Variants in BPTF observed in about 807,000 individuals in gnomAD.
BPTF encodes the protein nucleosome-remodeling factor subunit BPTF.
In BPTF, 18 loss-of-function variants were observed where a neutral mutation model predicts 292.5. The ratio of observed to expected loss-of-function variants is 0.06; its 90% CI spans 0.04 to 0.09. BPTF has a LOEUF of 0.09. BPTF is among the 10% of genes least tolerant of loss of function. The pLI is 1.00. For missense variants in BPTF, 2,726 were observed against 3,498.7 expected, an observed-to-expected ratio of 0.78 and a Z score of 5.57; for synonymous variants, 1,225 against 1,251.9, an observed-to-expected ratio of 0.98 and a Z score of 0.45.
intron 1 of BPTF, among the ~76,000 whole-genome samples, chr17:67,842,639 G>T (rs1025742269): frequency 6.6e-5 from 10 of 152,004 alleles, no homozygotes; most frequent in African/African-American, 2.4e-4. Flanking sequence ...GATGACAAAG[G>T]CTGTGGTCCA....
rs200180767 is a variant in BPTF, at chr17:67,940,538, G to A, written c.6359G>A (p.Ser2120Asn). The change falls in exon 19 of 28, where the codon AGC becomes AAC. Residue 2120 changes from serine to asparagine, a missense_variant. Physicochemically the swap from Ser to Asn is conservative, Grantham distance 46. This residue lies in a region of BPTF where 570 missense variants were observed against 633.5 expected (regional missense o/e 0.90). Coordinates refer to ENST00000306378, the MANE Select transcript of BPTF (RefSeq NM_182641.4). ...GTTTCCTCAACACCTGGGCAGAAAA[G>A]CTTAACTTCAGCAACGTCCACTTCA... ...NTVSSTPGQK[S>N]LTSATSTSNI... The A allele has an allele frequency of 3.2e-5, 51 of 1,614,066 alleles. No individual in the cohort carries two copies. In the South Asian group the frequency reaches 3.5e-4, roughly 11 times the overall value.
rs2062752385 is a variant in BPTF at position 67,913,061 on chromosome 17, A to G, written c.5177A>G (p.Asp1726Gly). The G allele has an allele frequency of 1.2e-6, 2 of 1,614,082 alleles. No individual in the cohort carries two copies. The highest frequency in any genetic ancestry group is 1.7e-5 in the Admixed American group (1 of 60,002). The change falls in exon 11 of 28, where the codon GAT (aspartate) becomes GGT (glycine). Residue 1726 changes from aspartate (D) to glycine (G), a missense_variant. Asp to Gly is a moderately conservative substitution (Grantham distance 94). This residue lies in a region of BPTF where 24 missense variants were observed against 57.5 expected (regional missense o/e 0.42). Transcript: ENST00000306378. ...SKKSIFVLPN[D>G]DLKKLARKGG... Reference sequence around the variant, plus strand: ...AAGAGCATTTTTGTTTTGCCTAATGATGACTTAAAAAAGTTGGCCCGAAAA... The same window carrying G: ...AAGAGCATTTTTGTTTTGCCTAATGGTGACTTAAAAAAGTTGGCCCGAAAA...
chr17:67,848,516 A>G (rs2058190216), intron 1 of BPTF, among the ~76,000 whole-genome samples: 1 of 152,222 alleles, frequency 6.6e-6, no homozygotes, highest in African/African-American at 2.4e-5. Context: ...CCCGGCCTTG[A>G]AAACTGTCTA....
chr17:67,848,970 T>C (rs1345578006), intron 1 of BPTF, among the ~76,000 whole-genome samples: 1 of 152,208 alleles, frequency 6.6e-6, no homozygotes. Context: ...CTTGACTTCC[T>C]TAGCAGTTTC....
intron 27 of BPTF, chr17:67,981,826 C>T (rs1181068085): frequency 1.7e-5 from 12 of 696,056 alleles, no homozygotes; most frequent in African/African-American, 1.4e-4. Flanking sequence ...TTTGTTTTAG[C>T]GTAATTTTTC....
chr17:67,888,314 C>T (rs1418051801), intron 4 of BPTF, among the ~76,000 whole-genome samples: 3 of 152,092 alleles, frequency 2.0e-5, no homozygotes, highest in South Asian at 2.1e-4. Context: ...CTGGGCCGGG[C>T]TCGGTGGCTC....
chr17:67,875,022 TA>T lies in BPTF; in HGVS notation c.1864+9del. On this transcript the variant is annotated splice_donor_region_variant and intron_variant, in intron 4 of 27. Transcript: ENST00000306378. ...ACCCTGAGCAAGGAAAATCTGAGGG[TA>T]AAAAAATTACTTGATTAAAAAGAAA... 6.3e-7 allele frequency: 1 copy of T among 1,595,354 alleles called. No individual in the cohort carries two copies. The highest frequency in any genetic ancestry group is 8.5e-7 in the Non-Finnish European group (1 of 1,173,148).
chr17:67,880,616 TGTTTTTGGTTTTTG>T (rs147965972), intron 4 of BPTF, among the ~76,000 whole-genome samples: 3 of 152,124 alleles, frequency 2.0e-5, no homozygotes, highest in Middle Eastern at 3.4e-3. Flanking sequence ...TGTAGGTTTT[TGTTTTTGGTTTTTG>T]GTTTTTGGTT....
intron 1 of BPTF, among the ~76,000 whole-genome samples, chr17:67,850,428 G>A (rs2058322348): frequency 6.6e-6 from 1 of 152,158 alleles, no homozygotes; most frequent in South Asian, 2.1e-4. Context: ...GCTGGCAGTA[G>A]CATGATCTCG....
intron 21 of BPTF, among the ~76,000 whole-genome samples, chr17:67,947,337 C>G (rs1555676009): frequency 6.6e-6 from 1 of 152,170 alleles, no homozygotes; most frequent in African/African-American, 2.4e-5. Context: ...CTTTAAAATT[C>G]ATTCCTGGGA....
chr17:67,895,869 C>T (rs934639699), intron 7 of BPTF, among the ~76,000 whole-genome samples: 1 of 148,136 alleles, frequency 6.8e-6, no homozygotes, highest in Non-Finnish European at 1.5e-5. Context: ...AGACTTTTAC[C>T]CTGTGTACAT....
At chr17:67,924,995 TGCCTCA>T (rs1349305658) in intron 15 of BPTF, among the ~76,000 whole-genome samples, 6 of 151,188 alleles carry the variant, frequency 4.0e-5, no homozygotes, top group African/African-American at 1.5e-4. Flanking sequence ...GCGATCCACC[TGCCTCA>T]GCCTCCCAAA....
At chr17:67,923,719 A>G (rs528563778) in intron 14 of BPTF, among the ~76,000 whole-genome samples, 1 of 151,416 alleles carries the variant, frequency 6.6e-6, no homozygotes, top group Non-Finnish European at 1.5e-5. Context: ...ACCTTGGGTA[A>G]TCCACCTGCC....
rs1403817502 is a variant in BPTF, at chr17:67,875,489, T to C, written c.1864+469T>C. 4 of 1,264,104 alleles carry C rather than the reference T, an allele frequency of 3.2e-6. No homozygotes were observed. In the African/African-American group the frequency reaches 4.6e-5, roughly 14 times the overall value. The allele number at this position is 1,264,104 out of a possible 1,614,324, so 78.3% of individuals were successfully genotyped here. A position where few individuals can be genotyped will look rare whatever the true frequency, so the allele number is the denominator to read the frequency against. ...TGTGATTATTTAGTAGTTGACTGAATGTGGCCATTTGCCCTGAAGCAATTT... is the reference window on the plus strand; with the variant it reads ...TGTGATTATTTAGTAGTTGACTGAACGTGGCCATTTGCCCTGAAGCAATTT... On this transcript the variant is annotated intron_variant, in intron 4 of 27. Transcript: ENST00000306378.
chr17:67,855,716 G>A (rs2058651160), intron 2 of BPTF, among the ~76,000 whole-genome samples: 1 of 152,216 alleles, frequency 6.6e-6, no homozygotes, highest in South Asian at 2.1e-4. Context: ...TATGGTCAGA[G>A]GGATGGGCTA....
At chr17:67,931,254 G>A (rs1010349223) in intron 17 of BPTF, among the ~76,000 whole-genome samples, 7 of 152,144 alleles carry the variant, frequency 4.6e-5, no homozygotes, top group African/African-American at 1.4e-4. Flanking sequence ...GAAAGAGCGA[G>A]ATTCTGTCTC....
rs1300409309 is a variant in BPTF at position 67,918,965 on chromosome 17, G to A, written c.5428+127G>A. 8.8e-6 allele frequency: 8 copies of A among 904,432 alleles called. No individual in the cohort carries two copies. The African/African-American group carries it at 1.2e-4, about 14-fold the overall frequency. 56.0% of individuals were successfully genotyped at this position (904,432 alleles called of 1,614,324 possible). A position where few individuals can be genotyped will look rare whatever the true frequency, so the allele number is the denominator to read the frequency against. On this transcript the variant is annotated intron_variant, in intron 12 of 27. Coordinates refer to ENST00000306378, the MANE Select transcript of BPTF (RefSeq NM_182641.4). ...AGGCAGGTGGATCATGAGGTCAGGA[G>A]ATCCTGACCATCCTGGCTAACATGG...
At chr17:67,897,009 T>C (rs540002394) in intron 7 of BPTF, among the ~76,000 whole-genome samples, 1 of 151,998 alleles carries the variant, frequency 6.6e-6, no homozygotes, top group South Asian at 2.1e-4. Flanking sequence ...GAGGAAATAA[T>C]ACAGCACAAA....
chr17:67,850,626 C>CA (rs2058335522), intron 1 of BPTF, among the ~76,000 whole-genome samples: 1 of 152,180 alleles, frequency 6.6e-6, no homozygotes, highest in African/African-American at 2.4e-5. Context: ...CTTGGACTCC[C>CA]AAAGTGCTAG....
Sources: allele counts gnomAD v4.1 joint callset (sites outside exome capture counted in the v4.1 genomes callset), GRCh38; gene constraint gnomAD v4.1.1; regional missense constraint gnomAD v4.1.1; transcripts MANE v1.5; gene names NCBI Gene and HGNC (gene_info 2026-07-23, HGNC 2026-07-21).